Variants in ANKS1B observed in about 807,000 individuals in gnomAD.
ANKS1B encodes ankyrin repeat and sterile alpha motif domain containing 1B.
ANKS1B carries 36 observed loss-of-function variants against 148.3 expected under a neutral mutation model. The ratio of observed to expected loss-of-function variants is 0.24; its 90% CI spans 0.19 to 0.32. The LOEUF is 0.32. ANKS1B is among the 10% of genes least tolerant of loss of function. The pLI is 1.00. For synonymous variants in ANKS1B, 542 were observed against 560.8 expected (o/e 0.97, Z 0.47); for missense variants, 1,157 against 1,542.6 (o/e 0.75, Z 4.19).
intron 14 of ANKS1B, among the ~76,000 whole-genome samples, chr12:99,165,044 A>G (rs1361932901): frequency 6.6e-6 from 1 of 152,026 alleles, no homozygotes; most frequent in Non-Finnish European, 1.5e-5. Context: ...TAATCATAAA[A>G]GCAGAGTGAA....
chr12:99,730,745 C>G (rs2059056559), intron 8 of ANKS1B, among the ~76,000 whole-genome samples: 1 of 152,092 alleles, frequency 6.6e-6, no homozygotes, highest in Non-Finnish European at 1.5e-5. Context: ...TCTCACTAAG[C>G]TGGGAAAGGG....
At chr12:99,541,850 T>C (rs1297824381) in intron 9 of ANKS1B, among the ~76,000 whole-genome samples, 1 of 128,272 alleles carries the variant, frequency 7.8e-6, no homozygotes, top group Non-Finnish European at 1.8e-5. Flanking sequence ...CGAGACTCCG[T>C]CTAAAAAAAA....
intron 4 of ANKS1B, among the ~76,000 whole-genome samples, chr12:99,790,048 G>C (rs1352494197): frequency 6.6e-6 from 1 of 152,074 alleles, no homozygotes; most frequent in Non-Finnish European, 1.5e-5. Context: ...CCCAAAGAAG[G>C]CTACTTCAAG....
chr12:99,290,343 T>G (rs2079785899), intron 12 of ANKS1B, among the ~76,000 whole-genome samples: 1 of 149,510 alleles, frequency 6.7e-6, no homozygotes, highest in Admixed American at 6.6e-5. Flanking sequence ...CTACCAAATA[T>G]TTGCAGAAGA....
At chr12:99,210,804 A>T (rs983754169) in intron 14 of ANKS1B, among the ~76,000 whole-genome samples, 11 of 152,156 alleles carry the variant, frequency 7.2e-5, no homozygotes, top group Non-Finnish European at 1.6e-4. Context: ...GCATACTCCA[A>T]ACTCTTGGCA....
intron 12 of ANKS1B, among the ~76,000 whole-genome samples, chr12:99,385,462 G>C (rs1318606113): frequency 6.6e-6 from 1 of 152,122 alleles, no homozygotes; most frequent in Non-Finnish European, 1.5e-5. Context: ...GAGCGAGGCT[G>C]TGTCAAAAGT....
chr12:98,748,807 C>G (rs1395615771), intron 26 of ANKS1B, among the ~76,000 whole-genome samples: 2 of 152,140 alleles, frequency 1.3e-5, no homozygotes, highest in African/African-American at 4.8e-5. Context: ...TGCCACCCAA[C>G]CCTTTGTGCT....
chr12:99,824,496 T>A (rs1163030177), intron 2 of ANKS1B, among the ~76,000 whole-genome samples: 2 of 147,856 alleles, frequency 1.4e-5, no homozygotes, highest in African/African-American at 5.0e-5. Context: ...TGAGACTCTG[T>A]CTCAAAAAAA....
chr12:99,188,453 C>T (rs1314145743), intron 14 of ANKS1B, among the ~76,000 whole-genome samples: 4 of 152,174 alleles, frequency 2.6e-5, no homozygotes, highest in Admixed American at 6.5e-5. Flanking sequence ...AAGTAAAACA[C>T]TCCTCAGCAA....
At chr12:99,889,951 A>G (rs2093010573) in intron 1 of ANKS1B, among the ~76,000 whole-genome samples, 1 of 152,084 alleles carries the variant, frequency 6.6e-6, no homozygotes, top group Non-Finnish European at 1.5e-5. Context: ...AAACCTCCCC[A>G]GGTGATTCCA....
At chr12:99,016,675 CA>C (rs570600661) in intron 17 of ANKS1B, among the ~76,000 whole-genome samples, 1 of 151,104 alleles carries the variant, frequency 6.6e-6, no homozygotes, top group South Asian at 2.1e-4. Context: ...AACAAACAAA[CA>C]AAAAAAACAA....
chr12:99,666,884 GT>G (rs1567601347), intron 8 of ANKS1B, among the ~76,000 whole-genome samples: 9 of 145,158 alleles, frequency 6.2e-5, no homozygotes, highest in Non-Finnish European at 1.1e-4. Context: ...GTGTGTGTGT[GT>G]GTGTGTGTGT....
At chr12:99,548,609 G>A (rs2097191610) in intron 9 of ANKS1B, among the ~76,000 whole-genome samples, 1 of 151,950 alleles carries the variant, frequency 6.6e-6, no homozygotes, top group Non-Finnish European at 1.5e-5. Context: ...TCAACATTTA[G>A]TAATGTAATT....
Position 98,751,502 on chromosome 12 carries a change from G to C in ANKS1B, c.3600C>G (p.Ile1200Met). The change falls in exon 26 of 27, where the codon ATC becomes ATG. Residue 1200 changes from isoleucine (I) to methionine (M), a missense_variant. By Grantham distance (10) the Ile-to-Met change is conservative. Around this residue, in one of 6 missense-constraint regions of ANKS1B, gnomAD observed 258 missense variants for 497.0 expected, o/e 0.52. Transcript: ENST00000683438. The surrounding 1 kb of genome is among the most constrained non-coding windows in gnomAD (Gnocchi z 4.3). ...CTTCGAATGCCTGTCCCAGGGTTAGGATGATTTCATAGGCTAAATTCTGCA... is the reference window on the plus strand; with the variant it reads ...CTTCGAATGCCTGTCCCAGGGTTAGCATGATTTCATAGGCTAAATTCTGCA... Reference protein sequence around the residue: ...AFDVNLAYEIILTLGQAFEVA... With the variant: ...AFDVNLAYEIMLTLGQAFEVA... The C allele has an allele frequency of 6.2e-7, 1 of 1,613,834 alleles. No homozygotes were observed. The highest frequency in any genetic ancestry group is 8.5e-7 in the Non-Finnish European group (1 of 1,179,858).
intron 1 of ANKS1B, among the ~76,000 whole-genome samples, chr12:99,859,662 T>A (rs2089732241): frequency 6.6e-6 from 1 of 152,044 alleles, no homozygotes. Context: ...TGTTTTTTTT[T>A]TTGAGACAGA....
chr12:99,030,964 G>T (rs140204074), intron 17 of ANKS1B, among the ~76,000 whole-genome samples: 109 of 152,324 alleles, frequency 7.2e-4, no homozygotes, highest in Admixed American at 1.7e-3. Context: ...GTCTCTGCAA[G>T]AAGGGCCAAG....
rs2067655463 is a variant in ANKS1B, at chr12:99,806,503, G to A, written c.570C>T (p.Cys190=). The A allele has an allele frequency of 6.2e-7, 1 of 1,613,832 alleles. No homozygotes were observed. Among genetic ancestry groups the A allele is most frequent in the African/African-American group, 1.3e-5 (1 of 74,908 alleles). ...GAAGTGGCGTGTGCTTGCGAGTGTT[G>A]CAGCTCATTAAGTTAGGATGTGCAC... ...IISAHPNLMS[C]NTRKHTPLHL... Residue 190 remains cysteine (C), a synonymous_variant, in exon 4 of 27, where the codon TGC becomes TGT. Coordinates refer to ENST00000683438, the MANE Select transcript of ANKS1B (RefSeq NM_001352186.2).
chr12:99,688,485 C>T (rs2153497682), intron 8 of ANKS1B, among the ~76,000 whole-genome samples: 1 of 152,244 alleles, frequency 6.6e-6, no homozygotes, highest in Non-Finnish European at 1.5e-5. Context: ...AAAGGATATT[C>T]CCAAAATAAC....
At chr12:99,062,969 T>TTC (rs2042932003) in intron 16 of ANKS1B, among the ~76,000 whole-genome samples, 1 of 152,142 alleles carries the variant, frequency 6.6e-6, no homozygotes, top group East Asian at 1.9e-4. Context: ...TTAGACTTGG[T>TTC]GAGAGCTGGA....
Sources: allele counts gnomAD v4.1 joint callset (sites outside exome capture counted in the v4.1 genomes callset), GRCh38; gene constraint gnomAD v4.1.1; regional missense constraint gnomAD v4.1.1; non-coding constraint Gnocchi (gnomAD v3.1); transcripts MANE v1.5; gene names NCBI Gene and HGNC (gene_info 2026-07-23, HGNC 2026-07-21).